Variants in ITFG1 observed in about 807,000 individuals in gnomAD.
The protein encoded by ITFG1 is integrin alpha FG-GAP repeat containing 1.
Under a neutral mutation model 81.8 loss-of-function variants are expected in ITFG1, and 34 were observed. The observed-to-expected ratio is 0.42, with a 90% CI of 0.32 to 0.55. The LOEUF is 0.55. ITFG1 is among the 20% of genes least tolerant of loss of function. ITFG1 has a pLI of 0.17. For missense variants in ITFG1, 672 were observed against 755.4 expected (o/e 0.89, Z 1.29); for synonymous variants, 285 against 270.6 (o/e 1.05, Z -0.52).
At chr16:47,325,047 A>G (rs1433209150) in intron 8 of ITFG1, among the ~76,000 whole-genome samples, 8 of 152,144 alleles carry the variant, frequency 5.3e-5, no homozygotes, top group Admixed American at 5.2e-4. Flanking sequence ...TCAGCACCAC[A>G]CCACACCTAT....
chr16:47,433,443 A>T (rs1176701009), intron 5 of ITFG1, among the ~76,000 whole-genome samples: 1 of 152,174 alleles, frequency 6.6e-6, no homozygotes, highest in African/African-American at 2.4e-5. Context: ...CCCAAGTGTT[A>T]ATTTTCCCAA....
chr16:47,256,756 A>T (rs1342364969), intron 12 of ITFG1, among the ~76,000 whole-genome samples: 1 of 152,238 alleles, frequency 6.6e-6, no homozygotes, highest in African/African-American at 2.4e-5. Context: ...GATGCATGTT[A>T]TATCAGTTTC....
intron 10 of ITFG1, among the ~76,000 whole-genome samples, chr16:47,267,542 A>G (rs144309151): frequency 3.8e-4 from 58 of 152,322 alleles, no homozygotes; most frequent in Admixed American, 1.6e-3. Context: ...GAAGACTCAA[A>G]CAATAATAAC....
intron 6 of ITFG1, among the ~76,000 whole-genome samples, chr16:47,402,011 C>T (rs1383057985): frequency 1.3e-5 from 2 of 152,120 alleles, no homozygotes; most frequent in Non-Finnish European, 2.9e-5. Context: ...CATATTTTCT[C>T]GTTTATTTTC....
At chr16:47,218,137 CT>C (rs1285365906) in intron 14 of ITFG1, 1 of 152,130 alleles carries the variant, frequency 6.6e-6, no homozygotes, top group Non-Finnish European at 1.5e-5. Flanking sequence ...ATAATGAGTT[CT>C]TCCTTTTTCT....
At chr16:47,160,295 T>C (rs1964783473) in intron 16 of ITFG1, among the ~76,000 whole-genome samples, 1 of 152,104 alleles carries the variant, frequency 6.6e-6, no homozygotes, top group Admixed American at 6.6e-5. Context: ...TATACATGTA[T>C]GAACATGTAT....
chr16:47,232,195 G>A (rs181864600), intron 13 of ITFG1, among the ~76,000 whole-genome samples: 1 of 152,316 alleles, frequency 6.6e-6, no homozygotes, highest in East Asian at 1.9e-4. Flanking sequence ...GAATAAATCT[G>A]TGTTGTGTTA....
At chr16:47,345,248 G>C (rs1967835863) in intron 8 of ITFG1, among the ~76,000 whole-genome samples, 2 of 151,414 alleles carry the variant, frequency 1.3e-5, no homozygotes, top group African/African-American at 4.8e-5. Flanking sequence ...TAACACTAAT[G>C]ATAGCTGATG....
At chr16:47,158,139 G>C (rs1596771209) in intron 17 of ITFG1, among the ~76,000 whole-genome samples, 2 of 152,230 alleles carry the variant, frequency 1.3e-5, no homozygotes, top group African/African-American at 4.8e-5. Context: ...CTTTTGCCCA[G>C]GCTGGAGTGA....
intron 6 of ITFG1, among the ~76,000 whole-genome samples, chr16:47,415,668 T>C (rs927033557): frequency 2.6e-5 from 4 of 152,296 alleles, no homozygotes; most frequent in Middle Eastern, 3.4e-3. Flanking sequence ...GAAATACCAT[T>C]TTTTCCAATC....
At chr16:47,197,412 A>G (rs1319027953) in intron 14 of ITFG1, among the ~76,000 whole-genome samples, 1 of 152,148 alleles carries the variant, frequency 6.6e-6, no homozygotes, top group Non-Finnish European at 1.5e-5. Flanking sequence ...CTTTGAATCC[A>G]CCTGTGACCT....
chr16:47,378,517 G>A (rs572120661), intron 6 of ITFG1, among the ~76,000 whole-genome samples: 1 of 152,194 alleles, frequency 6.6e-6, no homozygotes, highest in East Asian at 1.9e-4. Context: ...TTGCATAGAA[G>A]GTGAAAATTA....
At chr16:47,322,571 T>A (rs1467445319) in intron 8 of ITFG1, among the ~76,000 whole-genome samples, 1 of 152,096 alleles carries the variant, frequency 6.6e-6, no homozygotes, top group African/African-American at 2.4e-5. Context: ...GAACCTGCAA[T>A]CCCAGCTATT....
Position 47,238,934 on chromosome 16 carries a change from G to A in ITFG1, c.1331-926C>T, listed in dbSNP as rs867000393. 1.1e-4 allele frequency among the ~76,000 whole-genome samples: 17 copies of A among 152,254 alleles called. 1 individual carries two copies. Among genetic ancestry groups the A allele is most frequent in the Middle Eastern group, 6.8e-3 (2 of 294 alleles). On this transcript the variant is annotated intron_variant, in intron 12 of 17. Coordinates refer to ENST00000320640, the MANE Select transcript of ITFG1 (RefSeq NM_030790.5). ...CATGTCTTGGAACCTAATAACCAAC[G>A]TGACAGTGTTAAGAGGTGGGGCCTT...
intron 8 of ITFG1, among the ~76,000 whole-genome samples, chr16:47,361,941 T>G (rs1050383370): frequency 2.6e-5 from 4 of 152,182 alleles, no homozygotes; most frequent in African/African-American, 9.7e-5. Flanking sequence ...CTCTCACACC[T>G]GCCCTGGCTT....
At chr16:47,351,737 A>G (rs1016368298) in intron 8 of ITFG1, among the ~76,000 whole-genome samples, 2 of 147,032 alleles carry the variant, frequency 1.4e-5, no homozygotes, top group African/African-American at 5.0e-5. Flanking sequence ...GAACCAAAAA[A>G]GAGCCCGCAT....
intron 10 of ITFG1, among the ~76,000 whole-genome samples, chr16:47,286,625 A>G (rs1274163095): frequency 6.6e-6 from 1 of 151,400 alleles, no homozygotes; most frequent in African/African-American, 2.4e-5. Flanking sequence ...GGGCGACAAG[A>G]GTGAAACCCT....
At chr16:47,281,827 T>G (rs1458518597) in intron 10 of ITFG1, among the ~76,000 whole-genome samples, 4 of 152,090 alleles carry the variant, frequency 2.6e-5, no homozygotes, top group African/African-American at 4.8e-5. Flanking sequence ...AAAAACCAGC[T>G]TTTGATTTGC....
chr16:47,162,208 CAT>C (rs996246855), intron 15 of ITFG1, among the ~76,000 whole-genome samples: 1 of 151,524 alleles, frequency 6.6e-6, no homozygotes, highest in Non-Finnish European at 1.5e-5. Flanking sequence ...AAATAATACA[CAT>C]ATGTATAATA....
Sources: allele counts gnomAD v4.1 joint callset (sites outside exome capture counted in the v4.1 genomes callset), GRCh38; gene constraint gnomAD v4.1.1; transcripts MANE v1.5; gene names NCBI Gene and HGNC (gene_info 2026-07-23, HGNC 2026-07-21).